Variants in MKS1 observed in about 807,000 individuals in gnomAD.
MKS1 encodes the protein tectonic-like complex member MKS1.
MKS1 carries 70 observed loss-of-function variants against 83.7 expected under a neutral mutation model. The observed-to-expected ratio is 0.84, with a 90% CI of 0.69 to 1.02. The LOEUF (loss-of-function observed/expected upper bound fraction) is 1.02, where lower values mean the gene tolerates loss of function less well. MKS1 is among the 50% of genes least tolerant of loss of function. The probability of loss-of-function intolerance (pLI) is 0.00; values close to 1 mark genes in which losing one functional copy is unlikely to be tolerated. For missense variants in MKS1, 681 were observed against 726.9 expected (o/e 0.94, Z 0.73); for synonymous variants, 251 against 273.4 (o/e 0.92, Z 0.81).
At position 58,213,005 on chromosome 17, in the gene MKS1, G is replaced by A. The variant is rs189255737; in HGVS notation, c.835C>T (p.Arg279Trp). 1.9e-5 allele frequency: 31 copies of A among 1,612,900 alleles called. No homozygotes were observed. The Admixed American group carries it at 3.3e-4, about 17-fold the overall frequency. The stretch of plus-strand genomic sequence containing the variant: ...ACATCCTTGAACACTCGCCGTTCCC[G>A]CTCCTCCTCCTCCGGCTGTGCGTGG... Reference protein sequence around the residue: ...SPHAQPEEEERERRVFKDLYG... With the variant: ...SPHAQPEEEEWERRVFKDLYG... The change falls in exon 8 of 18, where the codon CGG becomes TGG. Residue 279 changes from arginine (R) to tryptophan (W), a missense_variant. Arg to Trp is a moderately radical substitution (Grantham distance 101). Around this residue, in one of 3 missense-constraint regions of MKS1, gnomAD observed 365 missense variants for 383.8 expected, o/e 0.95. Coordinates refer to ENST00000393119, the MANE Select transcript of MKS1 (RefSeq NM_017777.4).
chr17:58,211,123 G>A, intron 9 of MKS1, 101 bp from the exon 10 acceptor site: 4 of 1,198,358 alleles, frequency 3.3e-6, no homozygotes, highest in Non-Finnish European at 4.9e-6. Context: ...GCCACTAGGG[G>A]TCAGGCCCTG....
Position 58,213,773 on chromosome 17 carries a change from T to C in MKS1, c.741A>G (p.Gly247=). ...TVKPDFTGLK[G]PYRIETEGEK... The stretch of plus-strand genomic sequence containing the variant: ...TTTCTTCCTCTCCTCACCTGTAGGG[T>C]CCTTTGAGGCCCGTGAAGTCAGGCT... The change falls in exon 7 of 18, where the codon GGA becomes GGG. Residue 247 remains glycine (G), a synonymous_variant. Transcript: ENST00000393119. The C allele has an allele frequency of 6.2e-7, 1 of 1,612,576 alleles. No homozygotes were observed. The highest frequency in any genetic ancestry group is 8.5e-7 in the Non-Finnish European group (1 of 1,178,670).
rs200658872 is a variant in MKS1, at chr17:58,206,327, C to A, written c.1544G>T (p.Arg515Leu). 1.9e-4 allele frequency: 301 copies of A among 1,613,948 alleles called. 1 individual carries two copies. Among genetic ancestry groups the A allele is most frequent in the Non-Finnish European group, 2.5e-4 (294 of 1,180,020 alleles). Residue 515 changes from arginine to leucine, a missense_variant, in exon 17 of 18, where the codon CGT becomes CTT. By Grantham distance (102) the Arg-to-Leu change is moderately radical (BLOSUM62 -2). Coordinates refer to ENST00000393119, the MANE Select transcript of MKS1 (RefSeq NM_017777.4). ...LQKRMRSVLD[R>L]LEGFSQQSSI... is the part of the protein sequence containing the mutation. Reference sequence around the variant, plus strand: ...ACTCTGCTGGCTGAACCCTTCCAGACGGTCCAACACACTCCGCATCCTTTT... The same window carrying A: ...ACTCTGCTGGCTGAACCCTTCCAGAAGGTCCAACACACTCCGCATCCTTTT...
chr17:58,214,166 C>T, intron 6 of MKS1, 93 bp downstream of exon 6: 1 of 1,585,944 alleles, frequency 6.3e-7, no homozygotes, highest in Non-Finnish European at 8.7e-7. Flanking sequence ...CCCTCCCTCC[C>T]CTATAACCTA....
At chr17:58,212,832 G>A in intron 8 of MKS1, 150 bp downstream of exon 8, 1 of 742,176 alleles carries the variant, frequency 1.3e-6, no homozygotes, top group South Asian at 1.5e-5. Context: ...AAAAACTTCT[G>A]TCTGATATGT....
chr17:58,210,524 G>T, intron 11 of MKS1, 135 bp downstream of exon 11: 2 of 919,308 alleles, frequency 2.2e-6, no homozygotes, highest in Non-Finnish European at 3.5e-6. Flanking sequence ...ACTGGGTTTG[G>T]TAAAGTGGAT....
chr17:58,215,015 T>G (rs1235725589), intron 4 of MKS1, 177 bp from the exon 5 acceptor site: 1 of 902,250 alleles, frequency 1.1e-6, no homozygotes, highest in African/African-American at 1.7e-5. Context: ...CAAAGAAGAT[T>G]TCTACCACAT....
chr17:58,213,117 G>C (rs774964011), intron 7 of MKS1, 27 bp from the exon 8 acceptor site: 4 of 1,607,396 alleles, frequency 2.5e-6, no homozygotes, highest in Non-Finnish European at 3.4e-6. Flanking sequence ...ACAGAAAGGA[G>C]CAACTCTAAT....
At chr17:58,216,635 T>G (rs375847388) in intron 3 of MKS1, 31 bp downstream of exon 3, 21 of 1,609,068 alleles carry the variant, frequency 1.3e-5, no homozygotes, top group Non-Finnish European at 1.8e-5. Context: ...CCAGATGGAA[T>G]AGACAGAGAA....
chr17:58,207,896 G>A lies in MKS1; in HGVS notation c.1271C>T (p.Pro424Leu), dbSNP rs1968619378. Reference protein sequence around the residue: ...GYGAVVLPATPGSHTLTVSTW... With the variant: ...GYGAVVLPATLGSHTLTVSTW... The stretch of plus-strand genomic sequence containing the variant: ...GAAGGGCAGAGACGAGCGGTTACCT[G>A]GAGTGGCAGGCAGCACCACAGCCCC... The change falls in exon 14 of 18, where the codon CCA becomes CTA. Residue 424 changes from proline to leucine, a missense_variant and splice_region_variant. Physicochemically the swap from Pro to Leu is moderately conservative, Grantham distance 98. This residue lies in a region of MKS1 where 310 missense variants were observed against 321.7 expected (regional missense o/e 0.96). Transcript: ENST00000393119. The A allele has an allele frequency of 6.2e-7, 1 of 1,613,508 alleles. No homozygotes were observed. The highest frequency in any genetic ancestry group is 1.1e-5 in the South Asian group (1 of 91,046).
In MKS1 at chr17:58,214,800, A is replaced by T; in HGVS notation, c.456T>A (p.Pro152=). 6.2e-7 allele frequency: 1 copy of T among 1,606,426 alleles called. No individual in the cohort carries two copies. Among genetic ancestry groups the T allele is most frequent in the South Asian group, 1.1e-5 (1 of 90,966 alleles). Reference sequence around the variant, plus strand: ...TTGCCATTCGCTCGACCAAGAATGAAGGCACCTCGCTGGCTGCAGTGGTCA... The same window carrying T: ...TTGCCATTCGCTCGACCAAGAATGATGGCACCTCGCTGGCTGCAGTGGTCA... The part of the protein sequence containing the change: ...QRMTTAASEV[P]SFLVERMANV... Residue 152 remains proline, a synonymous_variant, in exon 5 of 18, where the codon CCT becomes CCA. Transcript: ENST00000393119.
At chr17:58,211,956 T>A (rs575783095) in intron 9 of MKS1, among the ~76,000 whole-genome samples, 2 of 152,086 alleles carry the variant, frequency 1.3e-5, no homozygotes, top group African/African-American at 4.8e-5. Flanking sequence ...ACATGAAAGG[T>A]GAAGAAGACA....
In MKS1 at chr17:58,212,975, C is replaced by G. The variant is rs918270665; in HGVS notation, c.858+7G>C. 6.2e-7 allele frequency: 1 copy of G among 1,613,210 alleles called. No individual in the cohort carries two copies. Among genetic ancestry groups the G allele is most frequent in the Non-Finnish European group, 8.5e-7 (1 of 1,179,172 alleles). On this transcript the variant is annotated splice_region_variant and intron_variant, in intron 8 of 17. Transcript: ENST00000393119. ...CCCTTGGATACTTGGAATGAACTTG[C>G]GCTTACATCCTTGAACACTCGCCGT... is the stretch of plus-strand genomic sequence containing the variant.
At chr17:58,214,488 TG>T in intron 5 of MKS1, 101 bp from the exon 6 acceptor site, 1 of 1,549,514 alleles carries the variant, frequency 6.5e-7, no homozygotes, top group South Asian at 1.2e-5. Context: ...GTGGACATAC[TG>T]TTTTGTTTTG....
chr17:58,213,750 T>C lies in MKS1; in HGVS notation c.749+15A>G. 1 of 1,595,290 alleles carries C rather than the reference T, an allele frequency of 6.3e-7. No individual in the cohort carries two copies. The highest frequency in any genetic ancestry group is 2.2e-5 in the East Asian group (1 of 44,768). On this transcript the variant is annotated intron_variant, in intron 7 of 17. Transcript: ENST00000393119. The stretch of plus-strand genomic sequence containing the variant: ...GGAATGCCAGTCTCCACTACCCCTT[T>C]CTTCCTCTCCTCACCTGTAGGGTCC...
At chr17:58,212,878 G>T in intron 8 of MKS1, 104 bp downstream of exon 8, 1 of 1,137,310 alleles carries the variant, frequency 8.8e-7, no homozygotes, top group Non-Finnish European at 1.3e-6. Flanking sequence ...GGCCATGAAG[G>T]GCAAGGCTTT....
At chr17:58,219,036 G>T in intron 1 of MKS1, 115 bp downstream of exon 1, 1 of 1,417,916 alleles carries the variant, frequency 7.1e-7, no homozygotes, top group Non-Finnish European at 9.5e-7. Context: ...TGGGGAGCCC[G>T]GAGAAGTGGT....
At position 58,209,296 on chromosome 17, in the gene MKS1, A is replaced by G. The variant is rs1968732833; in HGVS notation, c.1025-713T>C. ...TATTCACACAATCAATCATTCATTT[A>G]CCATTTACTGAGTGCCTGCTATGTG... On this transcript the variant is annotated intron_variant, in intron 11 of 17. Transcript: ENST00000393119. This position sits in a 1 kb window ranked among gnomAD's most constrained non-coding sequence, Gnocchi z 4.1. Among the ~76,000 whole-genome samples, 1 of 152,108 alleles carries G rather than the reference A, an allele frequency of 6.6e-6. No homozygotes were observed. The highest frequency in any genetic ancestry group is 2.4e-5 in the African/African-American group (1 of 41,416).
At position 58,205,847 on chromosome 17, in the gene MKS1, A is replaced by G; in HGVS notation, c.*232T>C. 2 of 1,439,272 alleles carry G rather than the reference A, an allele frequency of 1.4e-6. No individual in the cohort carries two copies. The highest frequency in any genetic ancestry group is 2.6e-5 in the East Asian group (1 of 39,200). The allele number at this position is 1,439,272 out of a possible 1,614,324, so 89.2% of individuals were successfully genotyped here. On this transcript the variant is annotated 3_prime_UTR_variant, in exon 18 of 18. Coordinates refer to ENST00000393119, the MANE Select transcript of MKS1 (RefSeq NM_017777.4). ...CTGCCTTGCTGTGATGCCCATTGAC[A>G]GTGGCTGCAAATATAAAGGGGGGGC...
Sources: allele counts gnomAD v4.1 joint callset (sites outside exome capture counted in the v4.1 genomes callset), GRCh38; gene constraint gnomAD v4.1.1; regional missense constraint gnomAD v4.1.1; non-coding constraint Gnocchi (gnomAD v3.1); transcripts MANE v1.5; gene names NCBI Gene and HGNC (gene_info 2026-07-23, HGNC 2026-07-21).